Variants in TENM3 observed in about 807,000 individuals in gnomAD.
TENM3 encodes the protein teneurin-3.
In TENM3, 63 loss-of-function variants were observed where a neutral mutation model predicts 255.1. That is an observed-to-expected ratio of 0.25 (90% CI 0.20 to 0.30). The LOEUF (loss-of-function observed/expected upper bound fraction) is 0.30. TENM3 is among the 10% of genes least tolerant of loss of function. The probability of loss-of-function intolerance (pLI) is 1.00; values close to 1 mark genes in which losing one functional copy is unlikely to be tolerated. For synonymous variants in TENM3, 1,306 were observed against 1,322.3 expected, an observed-to-expected ratio of 0.99 and a Z score of 0.27; for missense variants, 2,929 against 3,461.1, an observed-to-expected ratio of 0.85 and a Z score of 3.86.
intron 2 of TENM3, among the ~76,000 whole-genome samples, chr4:182,329,029 AGAG>A (rs1189940897): frequency 6.6e-6 from 1 of 152,110 alleles, no homozygotes; most frequent in Non-Finnish European, 1.5e-5. Context: ...AAAGGACATT[AGAG>A]GAGTAGTCTG....
intron 1 of TENM3, among the ~76,000 whole-genome samples, chr4:182,197,388 G>A (rs1753894489): frequency 6.6e-6 from 1 of 152,054 alleles, no homozygotes; most frequent in Admixed American, 6.6e-5. Context: ...TGTGTTTGGG[G>A]GCTCCACTCC....
At chr4:182,090,305 C>T in the TENM3 span, among the ~76,000 whole-genome samples, 5 of 152,212 alleles carry the variant, frequency 3.3e-5, no homozygotes, top group African/African-American at 7.2e-5. Context: ...TCATGTTTGG[C>T]GACAGACCAC....
At chr4:181,943,155 G>T in the TENM3 span, among the ~76,000 whole-genome samples, 1 of 152,128 alleles carries the variant, frequency 6.6e-6, no homozygotes, top group Admixed American at 6.5e-5. Flanking sequence ...CCTCCTGAAA[G>T]TGGTAGAGTC....
intron 24 of TENM3, among the ~76,000 whole-genome samples, chr4:182,787,397 T>C (rs1391250429): frequency 6.6e-6 from 1 of 152,148 alleles, no homozygotes; most frequent in Non-Finnish European, 1.5e-5. Flanking sequence ...CACGGTGTTG[T>C]GGGGTTTTTG....
At chr4:181,723,917 A>G in the TENM3 span, among the ~76,000 whole-genome samples, 1 of 152,208 alleles carries the variant, frequency 6.6e-6, no homozygotes, top group African/African-American at 2.4e-5. Context: ...CTCTGAAGAG[A>G]CATCCTAAAG....
the TENM3 span, among the ~76,000 whole-genome samples, chr4:181,847,879 AG>A: frequency 1.9e-4 from 29 of 152,170 alleles, no homozygotes; most frequent in Non-Finnish European, 5.9e-5. Flanking sequence ...TAAGTCAAAA[AG>A]TTGTATTCCA....
chr4:182,245,740 G>A (rs144130711), intron 1 of TENM3, among the ~76,000 whole-genome samples: 1 of 152,208 alleles, frequency 6.6e-6, no homozygotes, highest in African/African-American at 2.4e-5. Context: ...CCACAGGAGA[G>A]AGAAAGGGAT....
intron 3 of TENM3, among the ~76,000 whole-genome samples, chr4:182,559,507 G>T (rs1232121648): frequency 6.6e-6 from 1 of 152,000 alleles, no homozygotes; most frequent in Non-Finnish European, 1.5e-5. Context: ...ATATTTACCT[G>T]CCTTTCTAGG....
In TENM3 at chr4:182,668,904, G is replaced by A. The variant is rs531295885; in HGVS notation, c.1112-4101G>A. ...AATTGGCACCAGTTTATGAATTTAT[G>A]TTTACCAGTTCTCAAAGCACAGGTA... is the stretch of plus-strand genomic sequence containing the variant. On this transcript the variant is annotated intron_variant, in intron 6 of 27. Transcript: ENST00000511685. 4.6e-5 allele frequency among the ~76,000 whole-genome samples: 7 copies of A among 152,260 alleles called. No individual in the cohort carries two copies. The South Asian group carries it at 1.4e-3, about 32-fold the overall frequency.
the TENM3 span, among the ~76,000 whole-genome samples, chr4:181,760,997 C>CACACACACACAT: frequency 5.9e-4 from 78 of 132,796 alleles, 1 homozygote; most frequent in Non-Finnish European, 8.1e-4. Context: ...CACACACACA[C>CACACACACACAT]ACACACACAC....
At chr4:181,876,679 G>A in the TENM3 span, among the ~76,000 whole-genome samples, 1 of 152,100 alleles carries the variant, frequency 6.6e-6, no homozygotes, top group African/African-American at 2.4e-5. Context: ...GCTGCCGGAA[G>A]GAAGTGCTGT....
the TENM3 span, among the ~76,000 whole-genome samples, chr4:181,506,554 C>A: frequency 3.9e-5 from 6 of 152,038 alleles, no homozygotes; most frequent in South Asian, 2.1e-4. Flanking sequence ...AACCGAGATA[C>A]GCTGTCCGGC....
At chr4:182,056,032 T>C in the TENM3 span, among the ~76,000 whole-genome samples, 1 of 152,114 alleles carries the variant, frequency 6.6e-6, no homozygotes, top group Non-Finnish European at 1.5e-5. Flanking sequence ...TGCCTTGTGA[T>C]ATTGAATTGT....
intron 1 of TENM3, among the ~76,000 whole-genome samples, chr4:182,284,088 T>C (rs1423497391): frequency 6.6e-6 from 1 of 152,232 alleles, no homozygotes; most frequent in Non-Finnish European, 1.5e-5. Context: ...TTACAAAGTC[T>C]ACGTTTATAA....
Position 182,362,722 on chromosome 4 carries a change from G to A in TENM3, c.511+15793G>A, listed in dbSNP as rs374592585. On this transcript the variant is annotated intron_variant, in intron 3 of 27. Coordinates refer to ENST00000511685, the MANE Select transcript of TENM3 (RefSeq NM_001080477.4). The stretch of plus-strand genomic sequence containing the variant: ...CTGCTTCGGCTCGCACACGGTGCAC[G>A]CACCCACTGACCTGCGCCCACTGTC... 2.8e-4 allele frequency among the ~76,000 whole-genome samples: 43 copies of A among 152,204 alleles called. No individual in the cohort carries two copies. The East Asian group carries it at 6.8e-3, about 24-fold the overall frequency.
At chr4:182,310,651 T>TCTCCA (rs981575441) in intron 1 of TENM3, among the ~76,000 whole-genome samples, 1 of 149,138 alleles carries the variant, frequency 6.7e-6, no homozygotes, top group African/African-American at 2.5e-5. Context: ...AACCCCTTTG[T>TCTCCA]CTCCATGTGG....
intron 3 of TENM3, among the ~76,000 whole-genome samples, chr4:182,554,584 T>C (rs1742398625): frequency 6.6e-6 from 1 of 152,122 alleles, no homozygotes; most frequent in African/African-American, 2.4e-5. Context: ...GTGTGTGATA[T>C]TTAATTTAAT....
chr4:181,717,724 G>A, the TENM3 span, among the ~76,000 whole-genome samples: 1 of 152,062 alleles, frequency 6.6e-6, no homozygotes, highest in Admixed American at 6.6e-5. Context: ...CTTTGCAGAG[G>A]TATTGTTTGC....
intron 23 of TENM3, 43 bp downstream of exon 23, chr4:182,773,690 C>G: frequency 6.4e-7 from 1 of 1,563,918 alleles, no homozygotes; most frequent in Non-Finnish European, 8.7e-7. Context: ...CACCAGCACC[C>G]AGACAGAATG....
Sources: gnomAD v4.1 joint callset for allele counts (sites outside exome capture counted in the v4.1 genomes callset) on GRCh38, gnomAD v4.1.1 for gene constraint, MANE v1.5 for transcripts, NCBI Gene and HGNC (gene_info 2026-07-23, HGNC 2026-07-21) for gene names.